ZNF420: variants seen among roughly 807,000 people sequenced by gnomAD.
ZNF420 encodes the protein zinc finger protein 420.
In ZNF420, 31 loss-of-function variants were observed where a neutral mutation model predicts 44.7. The observed-to-expected ratio is 0.69, with a 90% CI of 0.52 to 0.94. The LOEUF (loss-of-function observed/expected upper bound fraction) is 0.94. Among genes scored for constraint, ZNF420 ranks in the 40% least tolerant of loss-of-function variants. The pLI, the probability that ZNF420 is intolerant of heterozygous loss-of-function variation, is 0.00. For synonymous variants in ZNF420, 245 were observed against 267.4 expected (o/e 0.92, Z 0.82); for missense variants, 681 against 827.9 (o/e 0.82, Z 2.18).
At chr19:37,031,521 T>A (rs915177583) in intron 1 of ZNF420, among the ~76,000 whole-genome samples, 1 of 152,062 alleles carries the variant, frequency 6.6e-6, no homozygotes, top group African/African-American at 2.4e-5. Flanking sequence ...CTTTATTTTT[T>A]TGGACACGGA....
intron 4 of ZNF420, among the ~76,000 whole-genome samples, chr19:37,100,994 C>CTTTTTTTTTTTTTTTTT (rs35330746): frequency 7.3e-6 from 1 of 137,060 alleles, no homozygotes; most frequent in Non-Finnish European, 1.6e-5. Flanking sequence ...AAATTTATTC[C>CTTTTTTTTTTTTTTTTT]TTTTTTTTTT....
chr19:37,014,028 A>T (rs1397775371), intron 1 of ZNF420, among the ~76,000 whole-genome samples: 1 of 152,166 alleles, frequency 6.6e-6, no homozygotes, highest in East Asian at 1.9e-4. Flanking sequence ...AGCAAATCAC[A>T]CCTGGGAACC....
chr19:37,094,541 A>G (rs1969331485), intron 4 of ZNF420, among the ~76,000 whole-genome samples: 1 of 152,168 alleles, frequency 6.6e-6, no homozygotes, highest in Non-Finnish European at 1.5e-5. Flanking sequence ...ACTAAAACAT[A>G]TTTATTCAGT....
chr19:37,035,467 G>C (rs1418094484), intron 1 of ZNF420, among the ~76,000 whole-genome samples: 1 of 152,276 alleles, frequency 6.6e-6, no homozygotes, highest in African/African-American at 2.4e-5. Context: ...CCAAAATGCT[G>C]GGATTACAGG....
intron 4 of ZNF420, among the ~76,000 whole-genome samples, chr19:37,100,727 T>G (rs1337696371): frequency 1.3e-5 from 2 of 151,762 alleles, no homozygotes; most frequent in Non-Finnish European, 2.9e-5. Flanking sequence ...AAAAAAAAAT[T>G]GCTTTGGCTG....
intron 1 of ZNF420, among the ~76,000 whole-genome samples, chr19:37,022,808 C>T (rs993474799): frequency 1.3e-5 from 2 of 152,060 alleles, no homozygotes; most frequent in African/African-American, 4.8e-5. Flanking sequence ...ATCATATTGG[C>T]TGTAAGGAGT....
chr19:37,038,962 GA>G (rs1251550894), intron 1 of ZNF420, among the ~76,000 whole-genome samples: 1 of 150,408 alleles, frequency 6.6e-6, no homozygotes, highest in Non-Finnish European at 1.5e-5. Context: ...CTCCAGCCTG[GA>G]CAACAACAAT....
chr19:37,075,483 C>T (rs1247619314), upstream of ZNF420, among the ~76,000 whole-genome samples: 1 of 152,192 alleles, frequency 6.6e-6, no homozygotes. Context: ...TAGCTCACGT[C>T]TGTCATCCCA....
Position 37,128,559 on chromosome 19 carries a change from G to A in ZNF420, c.1568G>A (p.Arg523Lys). 3 of 1,613,888 alleles carry A rather than the reference G, an allele frequency of 1.9e-6. No individual in the cohort carries two copies. The highest frequency in any genetic ancestry group is 2.5e-6 in the Non-Finnish European group (3 of 1,179,930). ...AGTTCACATCTTTCCCAACATCAAA[G>A]ACTTCACACTGGTGAGAAACCCTAT... is the stretch of plus-strand genomic sequence containing the variant. ...TQSSHLSQHQ[R>K]LHTGEKPYVC... The change falls in exon 5 of 5, where the codon AGA becomes AAA. Residue 523 changes from arginine to lysine, a missense_variant. Coordinates refer to ENST00000337995, the MANE Select transcript of ZNF420 (RefSeq NM_144689.5).
chr19:37,091,352 C>A (rs1361476803), intron 4 of ZNF420: 1 of 298,012 alleles, frequency 3.4e-6, no homozygotes, highest in South Asian at 8.8e-5. Flanking sequence ...GAACAAAGGG[C>A]TAGATTTGAA....
chr19:37,097,649 T>C (rs758962028), intron 4 of ZNF420, among the ~76,000 whole-genome samples: 5 of 152,174 alleles, frequency 3.3e-5, no homozygotes, highest in Non-Finnish European at 7.3e-5. Flanking sequence ...ATATTAAAAA[T>C]TTTTTTGCAT....
chr19:37,058,290 A>G (rs767001687), intron 1 of ZNF420, among the ~76,000 whole-genome samples: 4 of 152,128 alleles, frequency 2.6e-5, no homozygotes, highest in Non-Finnish European at 4.4e-5. Context: ...TTGGTCTCCA[A>G]GTTTCACCTC....
At chr19:37,041,801 G>T (rs2146411383) in intron 1 of ZNF420, among the ~76,000 whole-genome samples, 1 of 152,100 alleles carries the variant, frequency 6.6e-6, no homozygotes, top group South Asian at 2.1e-4. Flanking sequence ...ATACTCTTTA[G>T]AACCCATTAT....
At chr19:37,069,118 T>TA (rs1968015842) in intron 1 of ZNF420, among the ~76,000 whole-genome samples, 1 of 152,190 alleles carries the variant, frequency 6.6e-6, no homozygotes, top group South Asian at 2.1e-4. Flanking sequence ...TTAAAACAGT[T>TA]ACTATTATAC....
chr19:37,127,085 G>A, intron 4 of ZNF420, 43 bp from the exon 5 acceptor site: 1 of 1,425,030 alleles, frequency 7.0e-7, no homozygotes, highest in Non-Finnish European at 9.2e-7. Flanking sequence ...CTTTTCTATA[G>A]AAGTTATATT....
At chr19:37,119,616 AAAATC>A (rs1970908084) in intron 4 of ZNF420, among the ~76,000 whole-genome samples, 1 of 152,186 alleles carries the variant, frequency 6.6e-6, no homozygotes. Flanking sequence ...AGAAATAACT[AAAATC>A]AGAGCAGAAC....
At chr19:37,050,285 G>C (rs1489955047) in intron 1 of ZNF420, among the ~76,000 whole-genome samples, 2 of 152,142 alleles carry the variant, frequency 1.3e-5, no homozygotes, top group African/African-American at 4.8e-5. Context: ...GGATGGCATT[G>C]AATCTATAAA....
chr19:37,098,886 T>C (rs544923372), intron 4 of ZNF420, among the ~76,000 whole-genome samples: 17 of 152,310 alleles, frequency 1.1e-4, no homozygotes, highest in African/African-American at 2.9e-4. Context: ...TCTCTACTTA[T>C]ATGAGATCAA....
At chr19:37,124,177 TAAATAG>T (rs1971218908) in intron 4 of ZNF420, among the ~76,000 whole-genome samples, 1 of 152,230 alleles carries the variant, frequency 6.6e-6, no homozygotes, top group South Asian at 2.1e-4. Flanking sequence ...GAATGTCATA[TAAATAG>T]AATCAAAATA....
Sources: gnomAD v4.1 joint callset for allele counts (sites outside exome capture counted in the v4.1 genomes callset) on GRCh38, gnomAD v4.1.1 for gene constraint, MANE v1.5 for transcripts, NCBI Gene and HGNC (gene_info 2026-07-23, HGNC 2026-07-21) for gene names.